PCDHGA1: variants seen among roughly 807,000 people sequenced by gnomAD.
The protein encoded by PCDHGA1 is protocadherin gamma-A1.
In PCDHGA1, 32 loss-of-function variants were observed where a neutral mutation model predicts 58.0. That is an observed-to-expected ratio of 0.55 (90% CI 0.42 to 0.74). PCDHGA1 has a LOEUF of 0.74. Ranked by LOEUF, PCDHGA1 falls within the 30% of genes least tolerant of loss-of-function variation. The probability of loss-of-function intolerance (pLI) is 0.00; values close to 1 mark genes in which losing one functional copy is unlikely to be tolerated. For missense variants in PCDHGA1, 1,205 were observed against 1,182.3 expected, an observed-to-expected ratio of 1.02 and a Z score of -0.28; for synonymous variants, 498 against 501.1, an observed-to-expected ratio of 0.99 and a Z score of 0.08.
chr5:141,504,705 T>C (rs960774850), intron 2 of PCDHGA1, among the ~76,000 whole-genome samples: 19 of 151,608 alleles, frequency 1.3e-4, no homozygotes, highest in Middle Eastern at 3.4e-3. Flanking sequence ...GGTTCTTCTA[T>C]GGCCGTGGAT....
chr5:141,448,515 T>C (rs1158968509), intron 1 of PCDHGA1, among the ~76,000 whole-genome samples: 1 of 152,212 alleles, frequency 6.6e-6, no homozygotes, highest in Non-Finnish European at 1.5e-5. Flanking sequence ...TTTATAACTT[T>C]ATTAAGCATC....
At position 141,362,191 on chromosome 5, in the gene PCDHGA1, G is replaced by A. The variant is rs780393919; in HGVS notation, c.2421+29086G>A. On this transcript the variant is annotated intron_variant, in intron 1 of 3. Coordinates refer to ENST00000517417, the MANE Select transcript of PCDHGA1 (RefSeq NM_018912.3). ...CCGCCGGGAGCCCTCTGACCCCCAG[G>A]CAAAACTGCAGTTTTACCTGGTTGT... The A allele has an allele frequency of 3.3e-5, 53 of 1,613,882 alleles. No individual in the cohort carries two copies. The highest frequency in any genetic ancestry group is 1.6e-4 in the Middle Eastern group (1 of 6,084).
At chr5:141,422,592 C>T (rs2096658264) in intron 1 of PCDHGA1, 1 of 1,614,090 alleles carries the variant, frequency 6.2e-7, no homozygotes. Flanking sequence ...TTTTTCCTCA[C>T]TCCTCTTACT....
chr5:141,429,698 A>G (rs1436698608), intron 1 of PCDHGA1, among the ~76,000 whole-genome samples: 2 of 152,228 alleles, frequency 1.3e-5, no homozygotes, highest in Admixed American at 6.5e-5. Flanking sequence ...ATATCTTTAC[A>G]GTATAAATAT....
chr5:141,425,835 T>C (rs536839515), intron 1 of PCDHGA1, among the ~76,000 whole-genome samples: 1 of 152,256 alleles, frequency 6.6e-6, no homozygotes, highest in Admixed American at 6.5e-5. Flanking sequence ...TTTTAAATTC[T>C]CTTTGCTGGG....
At chr5:141,371,049 G>A (rs1334799449) in intron 1 of PCDHGA1, 11 of 1,613,826 alleles carry the variant, frequency 6.8e-6, no homozygotes, top group Non-Finnish European at 8.5e-6. Flanking sequence ...GGATGGGGGC[G>A]AGCCCTCCAG....
At position 141,463,977 on chromosome 5, in the gene PCDHGA1, T is replaced by C. The variant is rs948698340; in HGVS notation, c.2422-30830T>C. On this transcript the variant is annotated intron_variant, in intron 1 of 3. Coordinates refer to ENST00000517417, the MANE Select transcript of PCDHGA1 (RefSeq NM_018912.3). ...TTTAAAATAGCTTCATAAAACTCCA[T>C]TGTAAAAACCAGGTGCAGTGGCTCA... Among the ~76,000 whole-genome samples the C allele has an allele frequency of 2.6e-5, 4 of 152,258 alleles. 1 individual carries two copies. The highest frequency in any genetic ancestry group is 4.4e-5 in the Non-Finnish European group (3 of 68,004).
intron 1 of PCDHGA1, chr5:141,492,070 GCCGGCT>G (rs1329848558): frequency 2.1e-6 from 1 of 477,826 alleles, no homozygotes; most frequent in Non-Finnish European, 3.7e-6. Context: ...CCTCCTAGGC[GCCGGCT>G]CCGGCACGCT....
Position 141,373,957 on chromosome 5 carries a change from C to A in PCDHGA1, c.2421+40852C>A, listed in dbSNP as rs114705983. ...CAGGAAAGCTGTGCAGAAATTCTGA[C>A]CTGAAACGCTTCGCATCCGGTCTCT... On this transcript the variant is annotated intron_variant, in intron 1 of 3. Coordinates refer to ENST00000517417, the MANE Select transcript of PCDHGA1 (RefSeq NM_018912.3). 3.8e-3 allele frequency: 3,425 copies of A among 890,772 alleles called. 11 individuals carry two copies. Among genetic ancestry groups the A allele is most frequent in the Non-Finnish European group, 4.4e-3 (2,783 of 626,468 alleles). The allele number at this position is 890,772 out of a possible 1,614,324, so 55.2% of individuals were successfully genotyped here.
intron 1 of PCDHGA1, chr5:141,393,452 G>A (rs189963623): frequency 6.2e-7 from 1 of 1,614,030 alleles, no homozygotes; most frequent in Non-Finnish European, 8.5e-7. Context: ...TGGTCCTCAC[G>A]GCCTCGGATG....
intron 1 of PCDHGA1, among the ~76,000 whole-genome samples, chr5:141,337,229 T>G (rs1756666417): frequency 6.6e-6 from 1 of 152,168 alleles, no homozygotes; most frequent in African/African-American, 2.4e-5. Flanking sequence ...CCTCAAAAAT[T>G]TAAACATAGA....
chr5:141,437,000 G>A (rs1197061999), intron 1 of PCDHGA1, among the ~76,000 whole-genome samples: 1 of 152,198 alleles, frequency 6.6e-6, no homozygotes, highest in Non-Finnish European at 1.5e-5. Flanking sequence ...TTACTTCAAT[G>A]GGATCTTAGA....
In PCDHGA1 at chr5:141,463,518, G is replaced by A. The variant is rs537466389; in HGVS notation, c.2422-31289G>A. 5.7e-5 allele frequency among the ~76,000 whole-genome samples: 8 copies of A among 139,140 alleles called. No individual in the cohort carries two copies. The East Asian group carries it at 1.3e-3, about 22-fold the overall frequency. The allele number at this position is 139,140 out of a possible 152,430, so 91.3% of individuals were successfully genotyped here. On this transcript the variant is annotated intron_variant, in intron 1 of 3. Coordinates refer to ENST00000517417, the MANE Select transcript of PCDHGA1 (RefSeq NM_018912.3). The stretch of plus-strand genomic sequence containing the variant: ...GGCTGGAGTGACGTGGCGTGATCTC[G>A]GCTTACTAGAAACTCCGGCTCCCGG...
intron 1 of PCDHGA1, chr5:141,415,519 A>T: frequency 1.9e-6 from 3 of 1,614,182 alleles, no homozygotes; most frequent in Non-Finnish European, 2.5e-6. Context: ...TTATGCGGAC[A>T]CGCTCATCAG....
rs998267605 is a variant in PCDHGA1 at position 141,383,657 on chromosome 5, A to T, written c.2421+50552A>T. The stretch of plus-strand genomic sequence containing the variant: ...CCTCAGTACCAAGTAACTGTCCCCG[A>T]GAATGTGCCAGTGGGTACAAGACTG... On this transcript the variant is annotated intron_variant, in intron 1 of 3. Transcript: ENST00000517417. 6 of 1,614,058 alleles carry T rather than the reference A, an allele frequency of 3.7e-6. No homozygotes were observed. In the East Asian group the frequency reaches 1.3e-4, roughly 36 times the overall value.
intron 1 of PCDHGA1, among the ~76,000 whole-genome samples, chr5:141,380,195 C>T (rs1248752838): frequency 6.6e-5 from 10 of 152,092 alleles, no homozygotes; most frequent in African/African-American, 2.4e-4. Flanking sequence ...CCACTGAGCC[C>T]GGCCTGAAAG....
chr5:141,438,635 T>C (rs1325567714), intron 1 of PCDHGA1, among the ~76,000 whole-genome samples: 9 of 33,420 alleles, frequency 2.7e-4, no homozygotes, highest in East Asian at 1.8e-3. Flanking sequence ...TATATATATA[T>C]ACACACACAC....
In PCDHGA1 at chr5:141,485,423, C is replaced by A; in HGVS notation, c.2422-9384C>A. On this transcript the variant is annotated intron_variant, in intron 1 of 3. Transcript: ENST00000517417. This position sits in a 1 kb window ranked among gnomAD's most constrained non-coding sequence, Gnocchi z 5.7. Reference sequence around the variant, plus strand: ...CCGTGTGGATTTGGACAGCGGAGCCCTGCTCATCAAGAACCCAATCGACCG... The same window carrying A: ...CCGTGTGGATTTGGACAGCGGAGCCATGCTCATCAAGAACCCAATCGACCG... 1 of 1,614,204 alleles carries A rather than the reference C, an allele frequency of 6.2e-7. No homozygotes were observed. The highest frequency in any genetic ancestry group is 8.5e-7 in the Non-Finnish European group (1 of 1,180,036).
chr5:141,395,081 A>G (rs749375075), intron 1 of PCDHGA1: 3 of 1,614,156 alleles, frequency 1.9e-6, no homozygotes, highest in South Asian at 1.1e-5. Context: ...ATTCCCAGGA[A>G]GTCTCCCTCA....
Sources: gnomAD v4.1 joint callset for allele counts (sites outside exome capture counted in the v4.1 genomes callset) on GRCh38, gnomAD v4.1.1 for gene constraint, Gnocchi (gnomAD v3.1) non-coding constraint, MANE v1.5 for transcripts, NCBI Gene and HGNC (gene_info 2026-07-23, HGNC 2026-07-21) for gene names.